USP3: variants seen among roughly 807,000 people sequenced by gnomAD.
USP3 encodes ubiquitin carboxyl-terminal hydrolase 3.
Under a neutral mutation model 72.3 loss-of-function variants are expected in USP3, and 20 were observed. That is an observed-to-expected ratio of 0.28 (90% CI 0.19 to 0.40). USP3 has a LOEUF of 0.40. USP3 is among the 10% of genes least tolerant of loss of function. The pLI is 1.00. For synonymous variants in USP3, 222 were observed against 225.3 expected (o/e 0.99, Z 0.13); for missense variants, 479 against 633.9 (o/e 0.76, Z 2.62).
At chr15:63,582,253 A>C (rs1177076928) in intron 11 of USP3, among the ~76,000 whole-genome samples, 4 of 152,168 alleles carry the variant, frequency 2.6e-5, no homozygotes, top group Non-Finnish European at 5.9e-5. Flanking sequence ...TAACTTTTTA[A>C]AACCCATGAA....
rs1251446939 is a variant in USP3 at position 63,590,765 on chromosome 15, C to T, written c.1502C>T (p.Ala501Val). Reference protein sequence around the residue: ...TLTDEETVVKAKAYILFYVEH... With the variant: ...TLTDEETVVKVKAYILFYVEH... ...ACTGACGAGGAGACTGTGGTGAAGG[C>T]GAAGGCCTACATCCTTTTCTACGTG... is the stretch of plus-strand genomic sequence containing the variant. The change falls in exon 15 of 15, where the codon GCG becomes GTG. Residue 501 changes from alanine to valine, a missense_variant. By Grantham distance (64) the Ala-to-Val change is moderately conservative. Transcript: ENST00000380324. 7 of 1,613,864 alleles carry T rather than the reference C, an allele frequency of 4.3e-6. No homozygotes were observed. The highest frequency in any genetic ancestry group is 4.5e-5 in the East Asian group (2 of 44,886).
chr15:63,590,697 C>T lies in USP3; in HGVS notation c.1434C>T (p.His478=), dbSNP rs1203518992. Residue 478 remains histidine, a synonymous_variant, in exon 15 of 15, where the codon CAC becomes CAT. Coordinates refer to ENST00000380324, the MANE Select transcript of USP3 (RefSeq NM_006537.4). ...GSGHYTAYAT[H]EGRWFHFNDS... is the part of the protein sequence containing the mutation. ...GACATTACACAGCATACGCAACTCA[C>T]GAAGGCCGCTGGTTCCACTTCAATG... 13 of 1,613,204 alleles carry T rather than the reference C, an allele frequency of 8.1e-6. No homozygotes were observed. The highest frequency in any genetic ancestry group is 5.0e-5 in the Admixed American group (3 of 59,914).
chr15:63,578,566 G>A (rs1325689936), intron 11 of USP3, among the ~76,000 whole-genome samples: 3 of 149,512 alleles, frequency 2.0e-5, no homozygotes, highest in Admixed American at 1.3e-4. Flanking sequence ...GAGCCGAGAC[G>A]GCGCCACTGC....
chr15:63,545,707 C>CA (rs1277410105), intron 3 of USP3, among the ~76,000 whole-genome samples: 1 of 151,992 alleles, frequency 6.6e-6, no homozygotes, highest in East Asian at 1.9e-4. Flanking sequence ...CGGTAGCTCA[C>CA]AACTGTAATC....
At chr15:63,540,434 T>G (rs2066227360) in intron 3 of USP3, among the ~76,000 whole-genome samples, 1 of 152,242 alleles carries the variant, frequency 6.6e-6, no homozygotes, top group Non-Finnish European at 1.5e-5. Flanking sequence ...ATGCAGTGTC[T>G]GGTGCAGAGT....
intron 8 of USP3, among the ~76,000 whole-genome samples, chr15:63,569,863 T>A (rs1169645943): frequency 6.6e-6 from 1 of 152,236 alleles, no homozygotes; most frequent in African/African-American, 2.4e-5. Context: ...AATGCATTTT[T>A]AAAAAGTATT....
At chr15:63,537,988 ATT>A (rs71753337) in intron 3 of USP3, among the ~76,000 whole-genome samples, 4 of 141,110 alleles carry the variant, frequency 2.8e-5, no homozygotes, top group Non-Finnish European at 3.1e-5. Context: ...TTCCAGTGCT[ATT>A]TTTTTTTTTT....
chr15:63,508,394 G>C (rs904068236), intron 1 of USP3, among the ~76,000 whole-genome samples: 6 of 152,120 alleles, frequency 3.9e-5, no homozygotes, highest in African/African-American at 1.4e-4. Context: ...GTCCTTTGCT[G>C]CCAAAAAAGT....
intron 1 of USP3, among the ~76,000 whole-genome samples, chr15:63,513,476 C>G (rs2065815544): frequency 6.6e-6 from 1 of 152,116 alleles, no homozygotes; most frequent in Admixed American, 6.6e-5. Flanking sequence ...AACTCGCGGG[C>G]TTAAGTGATC....
chr15:63,506,244 A>C (rs2065711329), intron 1 of USP3, among the ~76,000 whole-genome samples: 1 of 152,228 alleles, frequency 6.6e-6, no homozygotes, highest in Non-Finnish European at 1.5e-5. Flanking sequence ...TGTTGAGTAT[A>C]GAACAACAAA....
Position 63,588,113 on chromosome 15 carries a change from A to G in USP3, c.1097-192A>G. On this transcript the variant is annotated intron_variant, in intron 11 of 14. Transcript: ENST00000380324. The surrounding 1 kb of genome is among the most constrained non-coding windows in gnomAD (Gnocchi z 4.6). Reference sequence around the variant, plus strand: ...CATGATGCCAGGTGCTCTACACATTATTTCTCTTCCTTATAATAGTTCTTC... The same window carrying G: ...CATGATGCCAGGTGCTCTACACATTGTTTCTCTTCCTTATAATAGTTCTTC... 2.2e-6 allele frequency: 1 copy of G among 462,364 alleles called. No individual in the cohort carries two copies. Among genetic ancestry groups the G allele is most frequent in the Non-Finnish European group, 3.8e-6 (1 of 263,314 alleles). The allele number at this position is 462,364 out of a possible 1,614,324, so 28.6% of individuals were successfully genotyped here. A position where few individuals can be genotyped will look rare whatever the true frequency, so the allele number is the denominator to read the frequency against.
At chr15:63,571,602 A>G (rs2066779945) in intron 9 of USP3, among the ~76,000 whole-genome samples, 2 of 152,216 alleles carry the variant, frequency 1.3e-5, no homozygotes, top group South Asian at 4.1e-4. Context: ...GTATTTTATC[A>G]TGGCATATTC....
In USP3 at chr15:63,570,660, G is replaced by A; in HGVS notation, c.908+81G>A. The A allele has an allele frequency of 6.5e-7, 1 of 1,527,286 alleles. No homozygotes were observed. The highest frequency in any genetic ancestry group is 8.8e-7 in the Non-Finnish European group (1 of 1,139,540). The allele number at this position is 1,527,286 out of a possible 1,614,324, so 94.6% of individuals were successfully genotyped here. The stretch of plus-strand genomic sequence containing the variant: ...TTAATTATGTGTTAGATTTATAACG[G>A]AAGGTAGAGGGGTTTCTTGGACATT... On this transcript the variant is annotated intron_variant, in intron 9 of 14. Coordinates refer to ENST00000380324, the MANE Select transcript of USP3 (RefSeq NM_006537.4). The surrounding 1 kb of genome is among the most constrained non-coding windows in gnomAD (Gnocchi z 4.4).
Position 63,524,161 on chromosome 15 carries a change from G to T in USP3, c.92-8486G>T, listed in dbSNP as rs151260353. On this transcript the variant is annotated intron_variant, in intron 1 of 14. Transcript: ENST00000380324. Reference sequence around the variant, plus strand: ...AGATTTGAGTTATTAAAATATTGATGTGATACACAAAGATTTAGTCCAAAG... The same window carrying T: ...AGATTTGAGTTATTAAAATATTGATTTGATACACAAAGATTTAGTCCAAAG... 1.2e-3 allele frequency among the ~76,000 whole-genome samples: 187 copies of T among 152,354 alleles called. 1 individual carries two copies. Among genetic ancestry groups the T allele is most frequent in the Admixed American group, 2.8e-3 (43 of 15,304 alleles).
At chr15:63,577,118 G>A (rs1363438892) in intron 11 of USP3, among the ~76,000 whole-genome samples, 2 of 152,122 alleles carry the variant, frequency 1.3e-5, no homozygotes, top group African/African-American at 4.8e-5. Flanking sequence ...TACGCATATT[G>A]CAAAAGGCAT....
intron 7 of USP3, among the ~76,000 whole-genome samples, chr15:63,560,485 C>T (rs548788637): frequency 6.6e-6 from 1 of 151,604 alleles, no homozygotes; most frequent in African/African-American, 2.4e-5. Flanking sequence ...TAGCATTCTA[C>T]TTATTGACTC....
intron 3 of USP3, among the ~76,000 whole-genome samples, chr15:63,539,613 G>A (rs1048623041): frequency 6.6e-6 from 1 of 152,174 alleles, no homozygotes; most frequent in African/African-American, 2.4e-5. Flanking sequence ...AGTATATGTC[G>A]TTTCATGGTG....
intron 1 of USP3, among the ~76,000 whole-genome samples, chr15:63,532,192 C>T (rs987769055): frequency 2.0e-5 from 3 of 152,138 alleles, no homozygotes; most frequent in Admixed American, 1.3e-4. Context: ...GCTCAGATTT[C>T]CTAATTGTAA....
At chr15:63,523,943 T>C (rs1168484172) in intron 1 of USP3, among the ~76,000 whole-genome samples, 1 of 152,248 alleles carries the variant, frequency 6.6e-6, no homozygotes, top group African/African-American at 2.4e-5. Context: ...TTGTGCCTTT[T>C]AATGAAGACA....
Sources: gnomAD v4.1 joint callset for allele counts (sites outside exome capture counted in the v4.1 genomes callset) on GRCh38, gnomAD v4.1.1 for gene constraint, Gnocchi (gnomAD v3.1) non-coding constraint, MANE v1.5 for transcripts, NCBI Gene and HGNC (gene_info 2026-07-23, HGNC 2026-07-21) for gene names.